KIAA1217: variants seen among roughly 807,000 people sequenced by gnomAD.
KIAA1217 encodes the protein KIAA1217.
Under a neutral mutation model 163.9 loss-of-function variants are expected in KIAA1217, and 88 were observed. The ratio of observed to expected loss-of-function variants is 0.54; its 90% CI spans 0.45 to 0.64. KIAA1217 has a LOEUF of 0.64. Ranked by LOEUF, KIAA1217 falls within the 30% of genes least tolerant of loss-of-function variation. The pLI, the probability that KIAA1217 is intolerant of heterozygous loss-of-function variation, is 0.00. For synonymous variants in KIAA1217, 903 were observed against 923.1 expected (o/e 0.98, Z 0.39); for missense variants, 2,372 against 2,475.0 (o/e 0.96, Z 0.88).
intron 13 of KIAA1217, among the ~76,000 whole-genome samples, chr10:24,525,069 G>C (rs978109976): frequency 1.3e-5 from 2 of 151,464 alleles, no homozygotes; most frequent in Non-Finnish European, 2.9e-5. Flanking sequence ...TCTGGTAGCG[G>C]TTGTGGCGGC....
intron 2 of KIAA1217, among the ~76,000 whole-genome samples, chr10:24,017,887 C>T (rs924430095): frequency 3.3e-5 from 5 of 152,052 alleles, no homozygotes; most frequent in African/African-American, 1.2e-4. Flanking sequence ...AGTGTAAGGA[C>T]AAGTGCACAT....
At chr10:24,374,063 G>A (rs923129820) in intron 2 of KIAA1217, among the ~76,000 whole-genome samples, 7 of 152,176 alleles carry the variant, frequency 4.6e-5, no homozygotes, top group African/African-American at 1.7e-4. Flanking sequence ...TCTTTGGATG[G>A]AAAAGGGAGA....
chr10:24,088,333 A>C lies in KIAA1217; in HGVS notation c.-171+80959A>C, dbSNP rs1213971160. Among the ~76,000 whole-genome samples, 7 of 117,556 alleles carry C rather than the reference A, an allele frequency of 6.0e-5. 2 individuals are homozygous for C. Among genetic ancestry groups the C allele is most frequent in the Non-Finnish European group, 1.5e-4 (7 of 48,096 alleles). 77.1% of individuals were successfully genotyped at this position (117,556 alleles called of 152,430 possible). On this transcript the variant is annotated intron_variant, in intron 2 of 18. Coordinates refer to the KIAA1217 transcript ENST00000376462. ...TATTATACTTTAAGTTCTAGGGTAC[A>C]TGTGCACAACGTGCAGGTTTGTTAC...
intron 1 of KIAA1217, among the ~76,000 whole-genome samples, chr10:23,738,990 T>A (rs1470918665): frequency 1.3e-5 from 2 of 152,124 alleles, no homozygotes; most frequent in African/African-American, 4.8e-5. Context: ...GTGCATGGGT[T>A]GCTTTTAAAC....
intron 14 of KIAA1217, among the ~76,000 whole-genome samples, chr10:24,530,769 A>G (rs189621489): frequency 1.5e-3 from 225 of 152,240 alleles, no homozygotes; most frequent in African/African-American, 5.2e-3. Context: ...ATGGTGGCAC[A>G]CACCTGCAGT....
intron 1 of KIAA1217, among the ~76,000 whole-genome samples, chr10:23,808,359 A>G (rs925246476): frequency 6.6e-6 from 1 of 152,252 alleles, no homozygotes; most frequent in African/African-American, 2.4e-5. Flanking sequence ...AAAAATTAGA[A>G]ATAATAGAAT....
chr10:24,489,193 A>G (rs2065784945), intron 6 of KIAA1217, among the ~76,000 whole-genome samples: 1 of 152,020 alleles, frequency 6.6e-6, no homozygotes, highest in African/African-American at 2.4e-5. Context: ...GTGAGCTATG[A>G]TCATTCGTGC....
intron 2 of KIAA1217, among the ~76,000 whole-genome samples, chr10:24,226,637 A>C (rs1016163126): frequency 6.6e-6 from 1 of 151,710 alleles, no homozygotes; most frequent in African/African-American, 2.4e-5. Context: ...GCGAGACTCC[A>C]TCTCAAAAAA....
At chr10:24,384,314 AT>A (rs1340170864) in intron 3 of KIAA1217, among the ~76,000 whole-genome samples, 2 of 151,782 alleles carry the variant, frequency 1.3e-5, no homozygotes, top group Non-Finnish European at 2.9e-5. Flanking sequence ...TTTAGGAGCA[AT>A]TTTTTAGGTT....
chr10:24,178,057 G>C (rs913721123), intron 2 of KIAA1217, among the ~76,000 whole-genome samples: 4 of 152,180 alleles, frequency 2.6e-5, no homozygotes, highest in African/African-American at 7.2e-5. Context: ...TAGAGTTGAA[G>C]ATGTTTATTC....
At chr10:24,021,698 A>C (rs1160157783) in intron 2 of KIAA1217, among the ~76,000 whole-genome samples, 1 of 151,918 alleles carries the variant, frequency 6.6e-6, no homozygotes, top group African/African-American at 2.4e-5. Context: ...AGGACTTACT[A>C]TACTTACTAT....
chr10:23,949,333 C>A (rs892806355), intron 1 of KIAA1217, among the ~76,000 whole-genome samples: 1 of 152,066 alleles, frequency 6.6e-6, no homozygotes, highest in African/African-American at 2.4e-5. Flanking sequence ...ATTTTGTAAG[C>A]CTGATTATTT....
chr10:24,200,228 TAAG>T, intron 2 of KIAA1217, among the ~76,000 whole-genome samples: 1 of 151,182 alleles, frequency 6.6e-6, no homozygotes. Flanking sequence ...TTTTTTTTTT[TAAG>T]AGATGGGGCC....
intron 1 of KIAA1217, among the ~76,000 whole-genome samples, chr10:23,954,437 C>T (rs1844468561): frequency 6.6e-6 from 1 of 151,954 alleles, no homozygotes; most frequent in African/African-American, 2.4e-5. Flanking sequence ...TGGTAATGTA[C>T]ATCTGTGGTC....
intron 2 of KIAA1217, among the ~76,000 whole-genome samples, chr10:24,072,246 C>G (rs567085415): frequency 6.6e-6 from 1 of 151,908 alleles, no homozygotes; most frequent in African/African-American, 2.4e-5. Flanking sequence ...CAGGCTAGCC[C>G]CAAACTCCTA....
intron 1 of KIAA1217, among the ~76,000 whole-genome samples, chr10:23,786,913 TG>T (rs1282467216): frequency 5.9e-5 from 9 of 152,214 alleles, no homozygotes; most frequent in Non-Finnish European, 1.3e-4. Flanking sequence ...CTTTGTGTCC[TG>T]CTCACAGGTC....
At chr10:24,291,969 C>A (rs1446113011) in intron 2 of KIAA1217, among the ~76,000 whole-genome samples, 1 of 151,888 alleles carries the variant, frequency 6.6e-6, no homozygotes, top group African/African-American at 2.4e-5. Context: ...GAAACTAGAC[C>A]CTGAAATAAA....
At chr10:24,473,193 A>G (rs1257311052) in intron 5 of KIAA1217, 35 bp from the exon 6 acceptor site, 2 of 1,436,620 alleles carry the variant, frequency 1.4e-6, no homozygotes, top group African/African-American at 2.8e-5. Context: ...CACGAATATC[A>G]AAGTCAACTT....
rs1399761111 is a variant in KIAA1217, at chr10:23,783,100, A to C, written c.-321+87866A>C. On this transcript the variant is annotated intron_variant, in intron 1 of 18. Transcript: ENST00000376462. The stretch of plus-strand genomic sequence containing the variant: ...CCATCTGTTTAGATCAGGGTTTTCC[A>C]ATCTTTTGGCTTCCCTGGGCCACAC... 2.0e-5 allele frequency among the ~76,000 whole-genome samples: 3 copies of C among 152,332 alleles called. No individual in the cohort carries two copies. The East Asian group carries it at 5.8e-4, about 29-fold the overall frequency.
Sources: gnomAD v4.1 joint callset for allele counts (sites outside exome capture counted in the v4.1 genomes callset) on GRCh38, gnomAD v4.1.1 for gene constraint, MANE v1.5 for transcripts, NCBI Gene and HGNC (gene_info 2026-07-23, HGNC 2026-07-21) for gene names.